PIBF1: variants seen among roughly 807,000 people sequenced by gnomAD.
PIBF1 encodes progesterone-induced-blocking factor 1.
In PIBF1, 90 loss-of-function variants were observed where a neutral mutation model predicts 112.5. The observed-to-expected ratio is 0.80, with a 90% CI of 0.67 to 0.95. The LOEUF (loss-of-function observed/expected upper bound fraction) is 0.95, where lower values mean the gene tolerates loss of function less well. Ranked by LOEUF, PIBF1 falls within the 40% of genes least tolerant of loss-of-function variation. The probability of loss-of-function intolerance (pLI) is 0.00; values close to 1 mark genes in which losing one functional copy is unlikely to be tolerated. For synonymous variants in PIBF1, 301 were observed against 288.6 expected, an observed-to-expected ratio of 1.04 and a Z score of -0.44; for missense variants, 915 against 852.3, an observed-to-expected ratio of 1.07 and a Z score of -0.92.
Position 72,969,306 on chromosome 13 carries a change from CG to C in PIBF1, c.1964+3904del, listed in dbSNP as rs200883669. ...ATTAAGACTCCCTTAATAACAGCAA[CG>C]GTTTTCATAAAGGCCATGTCATTTA... On this transcript the variant is annotated intron_variant, in intron 15 of 17. Coordinates refer to ENST00000326291, the MANE Select transcript of PIBF1 (RefSeq NM_006346.4). Among the ~76,000 whole-genome samples the C allele has an allele frequency of 6.5e-3, 994 of 152,080 alleles. 10 individuals carry two copies. The highest frequency in any genetic ancestry group is 0.022 in the African/African-American group (928 of 41,474).
At chr13:72,860,308 G>GGTGTGTGTGT (rs3219561) in intron 10 of PIBF1, among the ~76,000 whole-genome samples, 1 of 143,148 alleles carries the variant, frequency 7.0e-6, no homozygotes, top group African/African-American at 2.6e-5. Flanking sequence ...TTTTTTTAGG[G>GGTGTGTGTGT]GTGTGTGTGT....
chr13:72,936,653 T>C (rs2041879281), intron 14 of PIBF1, among the ~76,000 whole-genome samples: 1 of 152,216 alleles, frequency 6.6e-6, no homozygotes, highest in African/African-American at 2.4e-5. Flanking sequence ...GTTATCTGTC[T>C]TTATGTCAAT....
chr13:72,952,947 C>T (rs2042342513), intron 14 of PIBF1, among the ~76,000 whole-genome samples: 1 of 151,670 alleles, frequency 6.6e-6, no homozygotes, highest in Non-Finnish European at 1.5e-5. Context: ...AAGCTTGAGG[C>T]CAGTAGGAGG....
At chr13:72,827,946 A>C in intron 8 of PIBF1, 32 bp downstream of exon 8, 1 of 1,441,942 alleles carries the variant, frequency 6.9e-7, no homozygotes. Flanking sequence ...ACGTAAATAG[A>C]TACCAATTAA....
intron 16 of PIBF1, among the ~76,000 whole-genome samples, chr13:72,974,702 T>G (rs1248619273): frequency 6.6e-6 from 1 of 152,206 alleles, no homozygotes; most frequent in African/African-American, 2.4e-5. Context: ...ATTCACAGTT[T>G]ATGGACATTT....
At chr13:73,003,256 ATTT>A (rs770419239) in intron 17 of PIBF1, among the ~76,000 whole-genome samples, 2 of 145,440 alleles carry the variant, frequency 1.4e-5, no homozygotes, top group South Asian at 2.2e-4. Context: ...AGAAAAAAAA[ATTT>A]TTTTTTTTTT....
intron 5 of PIBF1, among the ~76,000 whole-genome samples, chr13:72,798,586 G>A (rs1295307184): frequency 6.6e-6 from 1 of 152,070 alleles, no homozygotes; most frequent in African/African-American, 2.4e-5. Context: ...AATTATCTCA[G>A]CCTAGACGAT....
At chr13:72,905,962 C>G (rs1435951116) in intron 11 of PIBF1, among the ~76,000 whole-genome samples, 1 of 152,162 alleles carries the variant, frequency 6.6e-6, no homozygotes, top group Non-Finnish European at 1.5e-5. Flanking sequence ...ATTCATTTAT[C>G]ATTGTGTCAG....
chr13:73,006,968 C>T (rs1392854038), intron 17 of PIBF1, among the ~76,000 whole-genome samples: 1 of 151,572 alleles, frequency 6.6e-6, no homozygotes, highest in Middle Eastern at 3.2e-3. Context: ...TGTTAATACT[C>T]CACTAACAAT....
chr13:72,985,538 C>T (rs1436212403), intron 16 of PIBF1, among the ~76,000 whole-genome samples: 1 of 150,948 alleles, frequency 6.6e-6, no homozygotes, highest in Non-Finnish European at 1.5e-5. Flanking sequence ...GGTGAGACTC[C>T]GTCTCAAAAA....
intron 5 of PIBF1, among the ~76,000 whole-genome samples, chr13:72,802,545 G>C (rs1211199977): frequency 6.6e-6 from 1 of 152,132 alleles, no homozygotes; most frequent in Non-Finnish European, 1.5e-5. Context: ...GTTAAAGAAA[G>C]ATAGGAGTCA....
At chr13:73,003,414 C>T (rs996030375) in intron 17 of PIBF1, among the ~76,000 whole-genome samples, 7 of 151,832 alleles carry the variant, frequency 4.6e-5, no homozygotes, top group Admixed American at 2.0e-4. Context: ...CACCATGCCC[C>T]GCTAATTTTT....
At chr13:73,005,951 G>T (rs191312582) in intron 17 of PIBF1, among the ~76,000 whole-genome samples, 162 of 121,640 alleles carry the variant, frequency 1.3e-3, no homozygotes, top group African/African-American at 4.7e-3. Context: ...ATGGAGTCTT[G>T]CTCTGTCGCC....
At chr13:72,896,904 G>T (rs2040302988) in intron 11 of PIBF1, among the ~76,000 whole-genome samples, 1 of 152,132 alleles carries the variant, frequency 6.6e-6, no homozygotes, top group African/African-American at 2.4e-5. Flanking sequence ...AACTTCCCTG[G>T]CCTTGCTAGA....
intron 9 of PIBF1, among the ~76,000 whole-genome samples, chr13:72,850,066 A>T (rs2038058977): frequency 6.6e-6 from 1 of 152,236 alleles, no homozygotes; most frequent in South Asian, 2.1e-4. Flanking sequence ...AATATTAAAT[A>T]AAGTATCTAT....
At chr13:72,875,704 C>A (rs2039367544) in intron 10 of PIBF1, among the ~76,000 whole-genome samples, 1 of 152,100 alleles carries the variant, frequency 6.6e-6, no homozygotes, top group South Asian at 2.1e-4. Context: ...TGCAGAGCAT[C>A]TTTTCACGTG....
intron 2 of PIBF1, among the ~76,000 whole-genome samples, chr13:72,787,385 A>C (rs902465648): frequency 2.6e-5 from 4 of 152,106 alleles, no homozygotes; most frequent in African/African-American, 9.7e-5. Flanking sequence ...CACCCCACTG[A>C]ATTTTGTCCC....
intron 13 of PIBF1, among the ~76,000 whole-genome samples, chr13:72,930,151 C>T (rs897420330): frequency 1.3e-5 from 2 of 152,140 alleles, no homozygotes; most frequent in East Asian, 1.9e-4. Flanking sequence ...TGAGCCACCG[C>T]GCCTGGCCTT....
At chr13:72,792,573 A>G (rs765728489) in intron 3 of PIBF1, 26 bp downstream of exon 3, 4 of 1,170,950 alleles carry the variant, frequency 3.4e-6, no homozygotes, top group Non-Finnish European at 4.9e-6. Context: ...TTTAAAAAAA[A>G]AACAACATCT....
Sources: gnomAD v4.1 joint callset for allele counts (sites outside exome capture counted in the v4.1 genomes callset) on GRCh38, gnomAD v4.1.1 for gene constraint, MANE v1.5 for transcripts, NCBI Gene and HGNC (gene_info 2026-07-23, HGNC 2026-07-21) for gene names.